The following ZNF469 variants were observed in gnomAD, a reference collection of about 807,000 sequenced individuals.
ZNF469 encodes zinc finger protein 469.
A neutral mutation model predicts 1.0 loss-of-function variants in ZNF469; 1 was observed. The ratio of observed to expected loss-of-function variants is 1.00; its 90% confidence interval spans 0.35 to 4.73. The LOEUF (loss-of-function observed/expected upper bound fraction) is 4.73. Among genes scored for constraint, ZNF469 ranks in the 30% most tolerant of loss-of-function variants. The pLI is 0.16. For missense variants in ZNF469, 6,100 were observed against 5,356.3 expected (o/e 1.14, Z -4.33); for synonymous variants, 2,703 against 2,363.4 (o/e 1.14, Z -4.17).
chr16:88,380,779 C>T (rs550031428), upstream of ZNF469, among the ~76,000 whole-genome samples: 1 of 138,970 alleles, frequency 7.2e-6, no homozygotes, highest in East Asian at 2.3e-4. Flanking sequence ...CACACACATG[C>T]ACTCACACAC....
chr16:88,433,544 C>G lies in ZNF469; in HGVS notation c.6074C>G (p.Ala2025Gly). Residue 2025 changes from alanine (A) to glycine (G), a missense_variant, in exon 3 of 3, where the codon GCG (alanine) becomes GGG (glycine). By Grantham distance (60) the Ala-to-Gly change is moderately conservative (BLOSUM62 0). Coordinates refer to ENST00000565624, the MANE Select transcript of ZNF469 (RefSeq NM_001367624.2). ...HASVNASPKT[A>G]LTGPTEGAVL... is the part of the protein sequence containing the mutation. Reference sequence around the variant, plus strand: ...TCAGTCAATGCCAGTCCCAAAACAGCGCTGACCGGCCCCACCGAGGGTGCA... The same window carrying G: ...TCAGTCAATGCCAGTCCCAAAACAGGGCTGACCGGCCCCACCGAGGGTGCA... The G allele has an allele frequency of 1.3e-6, 2 of 1,549,284 alleles. No homozygotes were observed. The highest frequency in any genetic ancestry group is 1.7e-6 in the Non-Finnish European group (2 of 1,146,492).
At chr16:88,197,214 C>T in the ZNF469 span, among the ~76,000 whole-genome samples, 8 of 152,222 alleles carry the variant, frequency 5.3e-5, no homozygotes, top group South Asian at 4.2e-4. Flanking sequence ...CTTTGGCCTC[C>T]GAGTGGAGCA....
chr16:88,129,805 C>T, the ZNF469 span, among the ~76,000 whole-genome samples: 2 of 152,220 alleles, frequency 1.3e-5, no homozygotes, highest in African/African-American at 2.4e-5. Context: ...CTGTAATGAG[C>T]CAAGATCGTG....
chr16:88,431,285 G>C lies in ZNF469; in HGVS notation c.3815G>C (p.Arg1272Thr), dbSNP rs1271182308. 6.5e-7 allele frequency: 1 copy of C among 1,550,276 alleles called. No individual in the cohort carries two copies. Among genetic ancestry groups the C allele is most frequent in the Non-Finnish European group, 8.7e-7 (1 of 1,146,948 alleles). The change falls in exon 3 of 3, where the codon AGA becomes ACA. Residue 1272 changes from arginine to threonine, a missense_variant. By Grantham distance (71) the Arg-to-Thr change is moderately conservative. Transcript: ENST00000565624. ...LLIPEQPPPS[R>T]HDTGTPKPSG... is the part of the protein sequence containing the mutation. The stretch of plus-strand genomic sequence containing the variant: ...ATACCAGAGCAGCCGCCGCCCAGCA[G>C]ACATGACACCGGCACCCCCAAGCCG...
chr16:88,114,612 C>A, the ZNF469 span, among the ~76,000 whole-genome samples: 2 of 152,228 alleles, frequency 1.3e-5, no homozygotes, highest in African/African-American at 4.8e-5. Context: ...TCTGGTACTG[C>A]ATTCTCCTCC....
At chr16:88,157,640 T>A in the ZNF469 span, among the ~76,000 whole-genome samples, 2 of 152,020 alleles carry the variant, frequency 1.3e-5, no homozygotes, top group Admixed American at 1.3e-4. Flanking sequence ...CCATAGCAGA[T>A]GGACTCTCTC....
At chr16:88,413,001 G>C (rs1437921002) in intron 1 of ZNF469, among the ~76,000 whole-genome samples, 1 of 152,012 alleles carries the variant, frequency 6.6e-6, no homozygotes, top group African/African-American at 2.4e-5. Context: ...CCACCTGAGT[G>C]GGAGGGTCAC....
chr16:88,285,526 C>T, the ZNF469 span, among the ~76,000 whole-genome samples: 24 of 152,396 alleles, frequency 1.6e-4, 1 homozygote, highest in Admixed American at 1.3e-3. Flanking sequence ...TCAGCCTGGT[C>T]ACGAGGTGAG....
the ZNF469 span, among the ~76,000 whole-genome samples, chr16:88,341,652 A>T: frequency 6.6e-6 from 1 of 152,186 alleles, no homozygotes. Context: ...GCACACCTGC[A>T]GGTGGACTGG....
the ZNF469 span, among the ~76,000 whole-genome samples, chr16:88,330,583 G>C: frequency 6.6e-6 from 1 of 152,238 alleles, no homozygotes; most frequent in African/African-American, 2.4e-5. Context: ...CCGCTTCATG[G>C]ACAGAGGGAC....
At chr16:88,308,357 G>T in the ZNF469 span, among the ~76,000 whole-genome samples, 7 of 152,094 alleles carry the variant, frequency 4.6e-5, no homozygotes, top group African/African-American at 1.7e-4. Flanking sequence ...TGTCAGTTTT[G>T]GCAAGAAAGC....
At chr16:88,123,298 GC>G in the ZNF469 span, among the ~76,000 whole-genome samples, 2 of 152,176 alleles carry the variant, frequency 1.3e-5, no homozygotes, top group Non-Finnish European at 2.9e-5. Context: ...ACCCAGCGGA[GC>G]ATCGAGGTTT....
the ZNF469 span, among the ~76,000 whole-genome samples, chr16:88,159,574 C>T: frequency 1.3e-5 from 2 of 152,156 alleles, no homozygotes; most frequent in East Asian, 3.9e-4. Context: ...AGGAGCAGCC[C>T]TTCCCCGCAT....
At chr16:88,417,639 C>A (rs867474941) in intron 1 of ZNF469, among the ~76,000 whole-genome samples, 2 of 152,184 alleles carry the variant, frequency 1.3e-5, no homozygotes, top group Non-Finnish European at 2.9e-5. Flanking sequence ...GGAGAAGGAC[C>A]CTCAGACAAA....
chr16:88,142,404 G>T, the ZNF469 span, among the ~76,000 whole-genome samples: 107 of 152,314 alleles, frequency 7.0e-4, no homozygotes, highest in Non-Finnish European at 1.3e-3. Flanking sequence ...ATCCTGCGAG[G>T]GTTATCCTGA....
At chr16:88,285,189 T>C in the ZNF469 span, among the ~76,000 whole-genome samples, 1 of 152,268 alleles carries the variant, frequency 6.6e-6, no homozygotes, top group African/African-American at 2.4e-5. Context: ...CAAAGGCCCG[T>C]GTGCCCGGAG....
At chr16:88,265,101 C>A in the ZNF469 span, among the ~76,000 whole-genome samples, 1 of 152,106 alleles carries the variant, frequency 6.6e-6, no homozygotes, top group African/African-American at 2.4e-5. Context: ...CCGCCCTCAT[C>A]CTGTCAGGGA....
At chr16:88,165,780 G>A in the ZNF469 span, among the ~76,000 whole-genome samples, 5 of 151,752 alleles carry the variant, frequency 3.3e-5, no homozygotes, top group African/African-American at 9.7e-5. Context: ...CCGACTCCCC[G>A]CTTTCCCTGC....
rs1263302611 is a variant in ZNF469 at position 88,437,081 on chromosome 16, G to T, written c.9611G>T (p.Arg3204Met). The change falls in exon 3 of 3, where the codon AGG (arginine) becomes ATG (methionine). Residue 3204 changes from arginine (R) to methionine (M), a missense_variant. By Grantham distance (91) the Arg-to-Met change is moderately conservative. Transcript: ENST00000565624. The stretch of plus-strand genomic sequence containing the variant: ...GAGCACGCGGTCCGCTTCGCCCGCA[G>T]GGGGCAGGCGCGGAGGTCCTTGGGG... The part of the protein sequence containing the change: ...LREHAVRFAR[R>M]GQARRSLGDL... 2 of 1,542,688 alleles carry T rather than the reference G, an allele frequency of 1.3e-6. No homozygotes were observed. The highest frequency in any genetic ancestry group is 4.0e-5 in the Admixed American group (2 of 50,590).
Sources: gnomAD v4.1 joint callset for allele counts (sites outside exome capture counted in the v4.1 genomes callset) on GRCh38, gnomAD v4.1.1 for gene constraint, MANE v1.5 for transcripts, NCBI Gene and HGNC (gene_info 2026-07-23, HGNC 2026-07-21) for gene names.